SLC38A1: variants seen among roughly 807,000 people sequenced by gnomAD.
SLC38A1 encodes the protein solute carrier family 38 member 1.
Under a neutral mutation model 60.3 loss-of-function variants are expected in SLC38A1, and 18 were observed. The observed-to-expected ratio is 0.30, with a 90% CI of 0.21 to 0.44. The LOEUF is 0.44. Ranked by LOEUF, SLC38A1 falls within the 20% of genes least tolerant of loss-of-function variation. The pLI, the probability that SLC38A1 is intolerant of heterozygous loss-of-function variation, is 1.00. For missense variants in SLC38A1, 448 were observed against 587.2 expected, an observed-to-expected ratio of 0.76 and a Z score of 2.45; for synonymous variants, 196 against 212.1, an observed-to-expected ratio of 0.92 and a Z score of 0.66.
chr12:46,195,536 C>A (rs374094425), intron 16 of SLC38A1, among the ~76,000 whole-genome samples: 2 of 152,180 alleles, frequency 1.3e-5, no homozygotes, highest in Non-Finnish European at 2.9e-5. Flanking sequence ...TTCTGCCATG[C>A]CCTGCCTCCA....
At chr12:46,208,447 T>C (rs1940007028) in intron 6 of SLC38A1, among the ~76,000 whole-genome samples, 1 of 152,242 alleles carries the variant, frequency 6.6e-6, no homozygotes, top group African/African-American at 2.4e-5. Context: ...CCTCAATTTA[T>C]TATAAAATGT....
chr12:46,241,405 C>T (rs1440348227), intron 2 of SLC38A1, among the ~76,000 whole-genome samples: 1 of 152,194 alleles, frequency 6.6e-6, no homozygotes, highest in Non-Finnish European at 1.5e-5. Flanking sequence ...TTATTCTTTT[C>T]ATTCACACAG....
At chr12:46,198,374 T>C (rs1939484698) in intron 14 of SLC38A1, among the ~76,000 whole-genome samples, 2 of 152,232 alleles carry the variant, frequency 1.3e-5, no homozygotes, top group African/African-American at 4.8e-5. Flanking sequence ...GAACATTCTA[T>C]TGTCATTTCT....
chr12:46,201,883 T>C (rs140549271), intron 12 of SLC38A1, among the ~76,000 whole-genome samples: 5 of 148,244 alleles, frequency 3.4e-5, no homozygotes, highest in African/African-American at 1.0e-4. Context: ...GCCATAGAAG[T>C]ATGGAAAACA....
intron 11 of SLC38A1, among the ~76,000 whole-genome samples, chr12:46,203,591 A>G (rs1939759844): frequency 6.6e-6 from 1 of 152,260 alleles, no homozygotes; most frequent in Admixed American, 6.5e-5. Flanking sequence ...ATATTGCACT[A>G]CTTTGGCTAT....
chr12:46,197,664 G>C, intron 16 of SLC38A1, 56 bp downstream of exon 16: 8 of 1,174,672 alleles, frequency 6.8e-6, no homozygotes, highest in Non-Finnish European at 1.0e-5. Context: ...TATTTATTTT[G>C]TAAATTTAAA....
intron 5 of SLC38A1, among the ~76,000 whole-genome samples, chr12:46,216,305 G>A (rs145647336): frequency 2.0e-3 from 311 of 152,330 alleles, no homozygotes; most frequent in South Asian, 3.5e-3. Flanking sequence ...GGGCTGGACT[G>A]TGGGGAGGAC....
At chr12:46,225,605 T>A (rs559239416) in intron 5 of SLC38A1, among the ~76,000 whole-genome samples, 23 of 151,908 alleles carry the variant, frequency 1.5e-4, no homozygotes, top group Non-Finnish European at 3.2e-4. Context: ...AAGAAGAGGG[T>A]CTTAGACAAA....
At chr12:46,198,502 A>G in intron 14 of SLC38A1, 123 bp downstream of exon 14, 1 of 625,152 alleles carries the variant, frequency 1.6e-6, no homozygotes, top group South Asian at 2.4e-5. Flanking sequence ...GATCTTTCCC[A>G]GATGCAGATT....
At chr12:46,242,615 C>A (rs1418975358) in intron 2 of SLC38A1, among the ~76,000 whole-genome samples, 10 of 150,898 alleles carry the variant, frequency 6.6e-5, no homozygotes, top group South Asian at 2.1e-4. Context: ...CAAACAACAA[C>A]AAAAAAACAA....
At chr12:46,248,497 T>C (rs1941705411) in intron 1 of SLC38A1, among the ~76,000 whole-genome samples, 1 of 152,172 alleles carries the variant, frequency 6.6e-6, no homozygotes, top group Non-Finnish European at 1.5e-5. Flanking sequence ...TAAATATATA[T>C]GCACCCAATA....
intron 5 of SLC38A1, among the ~76,000 whole-genome samples, chr12:46,211,344 G>C (rs137892924): frequency 1.6e-4 from 24 of 152,270 alleles, no homozygotes; most frequent in African/African-American, 5.5e-4. Flanking sequence ...ATGGGCCCAA[G>C]GCTAATGTAT....
At chr12:46,191,932 G>A (rs1172217035) in intron 16 of SLC38A1, among the ~76,000 whole-genome samples, 1 of 151,922 alleles carries the variant, frequency 6.6e-6, no homozygotes, top group East Asian at 1.9e-4. Context: ...ATTCTTTCTT[G>A]TGCCTGATTG....
In SLC38A1 at chr12:46,268,982, G is replaced by A; in HGVS notation, c.-665C>T. The A allele has an allele frequency of 2.5e-6, 1 of 399,150 alleles. No homozygotes were observed. Among genetic ancestry groups the A allele is most frequent in the South Asian group, 1.8e-5 (1 of 57,114 alleles). 24.7% of individuals were successfully genotyped at this position (399,150 alleles called of 1,614,324 possible). ...TAACGCGGACAGGCCATTCCTCCCCGTCCCGCGCGCGGTCTCCTCCCCTCC... is the reference window on the plus strand; with the variant it reads ...TAACGCGGACAGGCCATTCCTCCCCATCCCGCGCGCGGTCTCCTCCCCTCC... On this transcript the variant is annotated 5_prime_UTR_variant, in exon 1 of 17. In the 5' UTR this introduces an upstream ATG that the reference lacks. Transcript: ENST00000398637. The surrounding 1 kb of genome is among the most constrained non-coding windows in gnomAD (Gnocchi z 4.4).
At chr12:46,196,258 A>T in intron 16 of SLC38A1, 5 of 1,536,018 alleles carry the variant, frequency 3.3e-6, no homozygotes, top group Non-Finnish European at 4.4e-6. Context: ...TGGACTGGAA[A>T]CTGGAGGAAG....
At chr12:46,205,940 G>T (rs143657625) in intron 9 of SLC38A1, 140 bp downstream of exon 9, 4 of 531,154 alleles carry the variant, frequency 7.5e-6, no homozygotes, top group Non-Finnish European at 1.0e-5. Flanking sequence ...AGTTGGGACC[G>T]ATTAATACTT....
chr12:46,250,588 C>T (rs1941801632), intron 1 of SLC38A1, among the ~76,000 whole-genome samples: 2 of 152,100 alleles, frequency 1.3e-5, no homozygotes, highest in African/African-American at 2.4e-5. Flanking sequence ...TTTAGAAAAC[C>T]CCTTCATCTT....
intron 3 of SLC38A1, among the ~76,000 whole-genome samples, chr12:46,237,967 C>T (rs918354420): frequency 2.1e-4 from 32 of 151,758 alleles, no homozygotes; most frequent in African/African-American, 7.6e-4. Context: ...AATGCCCAAG[C>T]ATTATAACCA....
At chr12:46,224,861 G>A (rs1565774416) in intron 5 of SLC38A1, among the ~76,000 whole-genome samples, 1 of 152,094 alleles carries the variant, frequency 6.6e-6, no homozygotes, top group African/African-American at 2.4e-5. Flanking sequence ...ATCTATAATA[G>A]TTTCATCCAG....
Sources: allele counts gnomAD v4.1 joint callset (sites outside exome capture counted in the v4.1 genomes callset), GRCh38; gene constraint gnomAD v4.1.1; non-coding constraint Gnocchi (gnomAD v3.1); transcripts MANE v1.5; gene names NCBI Gene and HGNC (gene_info 2026-07-23, HGNC 2026-07-21).